Variants in TES observed in about 807,000 individuals in gnomAD.
TES encodes the protein testin LIM domain protein.
TES carries 41 observed loss-of-function variants against 48.2 expected under a neutral mutation model. The observed-to-expected ratio is 0.85, with a 90% CI of 0.66 to 1.10. TES has a LOEUF of 1.10. Ranked by LOEUF, TES falls within the 50% of genes least tolerant of loss-of-function variation. The pLI is 0.00. For synonymous variants in TES, 162 were observed against 174.9 expected, an observed-to-expected ratio of 0.93 and a Z score of 0.58; for missense variants, 463 against 515.1, an observed-to-expected ratio of 0.90 and a Z score of 0.98.
intron 1 of TES, among the ~76,000 whole-genome samples, chr7:116,215,623 A>G (rs181891587): frequency 3.3e-5 from 5 of 152,308 alleles, no homozygotes; most frequent in African/African-American, 4.8e-5. Context: ...GTGTGAGCCA[A>G]TGGTAATGCT....
At chr7:116,232,719 T>A (rs1490812668) in intron 1 of TES, among the ~76,000 whole-genome samples, 1 of 143,146 alleles carries the variant, frequency 7.0e-6, no homozygotes, top group Non-Finnish European at 1.6e-5. Flanking sequence ...AGGAAACAAT[T>A]TAATTGCTTT....
intron 1 of TES, among the ~76,000 whole-genome samples, chr7:116,227,406 G>T (rs1584614376): frequency 6.6e-6 from 1 of 152,036 alleles, no homozygotes; most frequent in African/African-American, 2.4e-5. Context: ...ACAGGCATGA[G>T]CCACCGTGTC....
At chr7:116,214,939 G>A (rs1799477730) in intron 1 of TES, among the ~76,000 whole-genome samples, 1 of 151,982 alleles carries the variant, frequency 6.6e-6, no homozygotes, top group African/African-American at 2.4e-5. Context: ...ACATGTTATT[G>A]GTAACACTTA....
rs769423275 is a variant in TES at position 116,249,284 on chromosome 7, G to A, written c.366+12G>A. On this transcript the variant is annotated intron_variant, in intron 3 of 6. Coordinates refer to ENST00000358204, the MANE Select transcript of TES (RefSeq NM_015641.4). ...AGAATCAAGCATTGGTAAATGATAT[G>A]GAACAGAGAGTTTCTTTATTGAAGT... 35 of 1,613,514 alleles carry A rather than the reference G, an allele frequency of 2.2e-5. No homozygotes were observed. Among genetic ancestry groups the A allele is most frequent in the Non-Finnish European group, 2.9e-5 (34 of 1,179,868 alleles).
intron 1 of TES, among the ~76,000 whole-genome samples, chr7:116,228,730 A>C (rs1340836370): frequency 6.6e-6 from 1 of 152,124 alleles, no homozygotes; most frequent in Non-Finnish European, 1.5e-5. Context: ...TTTAGTGATT[A>C]AACTTTGAGC....
At chr7:116,251,573 C>G (rs539730838) in intron 4 of TES, 187 bp from the exon 5 acceptor site, 3 of 579,376 alleles carry the variant, frequency 5.2e-6, no homozygotes, top group Admixed American at 2.9e-5. Context: ...GTCCCAGCTA[C>G]TCGGGAGGCT....
chr7:116,253,970 G>A (rs1800056408), intron 6 of TES, among the ~76,000 whole-genome samples: 1 of 151,986 alleles, frequency 6.6e-6, no homozygotes. Flanking sequence ...TTCAGTGTCA[G>A]CACTTAGAAA....
intron 2 of TES, among the ~76,000 whole-genome samples, chr7:116,240,435 C>A (rs1323290304): frequency 1.3e-5 from 2 of 152,008 alleles, no homozygotes; most frequent in African/African-American, 4.8e-5. Flanking sequence ...CTTGCATTCG[C>A]TCTCCCAGGC....
intron 1 of TES, among the ~76,000 whole-genome samples, chr7:116,231,283 A>G (rs1485606655): frequency 1.3e-5 from 2 of 152,198 alleles, no homozygotes; most frequent in African/African-American, 4.8e-5. Flanking sequence ...CAGTTCATGA[A>G]ATACCACCAG....
chr7:116,245,831 G>A (rs886127159), intron 2 of TES, among the ~76,000 whole-genome samples: 2 of 152,140 alleles, frequency 1.3e-5, no homozygotes, highest in African/African-American at 4.8e-5. Context: ...GAGGCCTCAG[G>A]AAACTTACAA....
At chr7:116,247,598 G>T (rs1789357105) in intron 2 of TES, among the ~76,000 whole-genome samples, 1 of 151,682 alleles carries the variant, frequency 6.6e-6, no homozygotes, top group African/African-American at 2.4e-5. Context: ...AATCTTGGTT[G>T]GTTTTGATAA....
chr7:116,255,187 A>C (rs748521797), intron 6 of TES: 9 of 152,094 alleles, frequency 5.9e-5, no homozygotes, highest in Non-Finnish European at 1.2e-4. Flanking sequence ...TTCATAGGAC[A>C]CTCCTGCAGA....
At chr7:116,211,746 C>A (rs1455548163) in intron 1 of TES, among the ~76,000 whole-genome samples, 1 of 152,208 alleles carries the variant, frequency 6.6e-6, no homozygotes, top group African/African-American at 2.4e-5. Flanking sequence ...AATATTTTAT[C>A]TTCTAAACAC....
At chr7:116,250,661 C>T (rs1456959065) in intron 4 of TES, among the ~76,000 whole-genome samples, 165 bp downstream of exon 4, 1 of 152,132 alleles carries the variant, frequency 6.6e-6, no homozygotes, top group Non-Finnish European at 1.5e-5. Context: ...AGAGGGTCAT[C>T]GTGTTTGAAA....
Position 116,241,624 on chromosome 7 carries a change from C to CG in TES, c.113+7005_113+7006insG, listed in dbSNP as rs1799849609. Among the ~76,000 whole-genome samples the CG allele has an allele frequency of 3.3e-5, 5 of 152,244 alleles. No individual in the cohort carries two copies. In the South Asian group the frequency reaches 1.0e-3, roughly 32 times the overall value. On this transcript the variant is annotated intron_variant, in intron 2 of 6. Transcript: ENST00000358204. ...ATAGTCATGATTTTTAAAATTATAA[C>CG]AAATCAATCATAGGTTTTCTCTACT...
intron 2 of TES, among the ~76,000 whole-genome samples, chr7:116,239,574 A>G (rs1470481388): frequency 6.6e-6 from 1 of 152,256 alleles, no homozygotes; most frequent in Non-Finnish European, 1.5e-5. Flanking sequence ...ATGGCAGAGT[A>G]GATATTAGAA....
At chr7:116,211,888 G>GA (rs1799443019) in intron 1 of TES, among the ~76,000 whole-genome samples, 1 of 152,146 alleles carries the variant, frequency 6.6e-6, no homozygotes, top group Non-Finnish European at 1.5e-5. Context: ...CTCGAAATGA[G>GA]AAAACAGTTT....
intron 1 of TES, among the ~76,000 whole-genome samples, chr7:116,218,264 G>T (rs986780453): frequency 6.6e-6 from 1 of 151,866 alleles, no homozygotes; most frequent in Non-Finnish European, 1.5e-5. Context: ...GGAGTTTCAG[G>T]GTGTTCATTG....
At chr7:116,212,719 T>G (rs1799452847) in intron 1 of TES, among the ~76,000 whole-genome samples, 1 of 152,200 alleles carries the variant, frequency 6.6e-6, no homozygotes, top group Admixed American at 6.5e-5. Flanking sequence ...AACAATTTCC[T>G]TAGAGTTTGA....
Sources: allele counts gnomAD v4.1 joint callset (sites outside exome capture counted in the v4.1 genomes callset), GRCh38; gene constraint gnomAD v4.1.1; transcripts MANE v1.5; gene names NCBI Gene and HGNC (gene_info 2026-07-23, HGNC 2026-07-21).